Variants in DCC observed in about 807,000 individuals in gnomAD.
DCC encodes the protein netrin receptor DCC.
Under a neutral mutation model 172.5 loss-of-function variants are expected in DCC, and 58 were observed. That is an observed-to-expected ratio of 0.34 (90% CI 0.27 to 0.42). DCC has a LOEUF of 0.42. DCC is among the 10% of genes least tolerant of loss of function. DCC has a pLI of 1.00. For synonymous variants in DCC, 709 were observed against 644.5 expected, an observed-to-expected ratio of 1.10 and a Z score of -1.52; for missense variants, 1,740 against 1,791.0, an observed-to-expected ratio of 0.97 and a Z score of 0.51.
chr18:52,815,852 TA>T (rs1568121915), intron 2 of DCC, among the ~76,000 whole-genome samples: 1 of 152,208 alleles, frequency 6.6e-6, no homozygotes, highest in Non-Finnish European at 1.5e-5. Flanking sequence ...GGATTTGCTT[TA>T]GAAATGTTTA....
chr18:52,812,884 G>A (rs1253742702), intron 2 of DCC, among the ~76,000 whole-genome samples: 1 of 152,180 alleles, frequency 6.6e-6, no homozygotes, highest in African/African-American at 2.4e-5. Flanking sequence ...ACGCCTCTGG[G>A]TAAAGATAGG....
At position 52,467,991 on chromosome 18, in the gene DCC, G is replaced by C. The variant is rs560091415; in HGVS notation, c.91+127113G>C. The stretch of plus-strand genomic sequence containing the variant: ...AGATTGCAACAGTTCCTATAGAGCA[G>C]TGTTTGAATGATGAGCCCTATTACT... On this transcript the variant is annotated intron_variant, in intron 1 of 28. Transcript: ENST00000442544. Among the ~76,000 whole-genome samples the C allele has an allele frequency of 2.0e-5, 3 of 152,244 alleles. No individual in the cohort carries two copies. In the East Asian group the frequency reaches 5.8e-4, roughly 29 times the overall value.
chr18:53,248,373 G>A (rs1041390399), intron 12 of DCC, among the ~76,000 whole-genome samples: 2 of 151,988 alleles, frequency 1.3e-5, no homozygotes, highest in African/African-American at 4.8e-5. Flanking sequence ...GAGACTTAAG[G>A]AAAGGATTAC....
At chr18:52,468,001 G>C (rs1988837620) in intron 1 of DCC, among the ~76,000 whole-genome samples, 1 of 152,132 alleles carries the variant, frequency 6.6e-6, no homozygotes, top group South Asian at 2.1e-4. Context: ...GTGTTTGAAT[G>C]ATGAGCCCTA....
At chr18:52,544,754 A>G (rs780203498) in intron 1 of DCC, among the ~76,000 whole-genome samples, 10 of 152,194 alleles carry the variant, frequency 6.6e-5, no homozygotes, top group Non-Finnish European at 1.3e-4. Context: ...GGATTGATAG[A>G]TTGATAGATA....
At chr18:52,972,457 T>C (rs2041044925) in intron 5 of DCC, among the ~76,000 whole-genome samples, 1 of 152,186 alleles carries the variant, frequency 6.6e-6, no homozygotes, top group East Asian at 1.9e-4. Context: ...TGTTAACAGC[T>C]GTTTTTAAAA....
intron 5 of DCC, among the ~76,000 whole-genome samples, chr18:52,965,823 G>A (rs2040919923): frequency 6.6e-6 from 1 of 152,116 alleles, no homozygotes; most frequent in African/African-American, 2.4e-5. Context: ...TCTTCCAAAT[G>A]AGTTCTCTTT....
intron 19 of DCC, 85 bp downstream of exon 19, chr18:53,402,978 G>A (rs765349405): frequency 2.2e-5 from 21 of 943,934 alleles, no homozygotes; most frequent in Middle Eastern, 2.1e-4. Context: ...CCTGCCTTTC[G>A]TGTGGCATTA....
intron 2 of DCC, among the ~76,000 whole-genome samples, chr18:52,853,692 G>A (rs1199380372): frequency 6.6e-6 from 1 of 152,224 alleles, no homozygotes; most frequent in African/African-American, 2.4e-5. Context: ...CCTGGAAACA[G>A]AGTGTCTGTC....
chr18:52,858,242 A>T (rs1245119256), intron 2 of DCC, among the ~76,000 whole-genome samples: 1 of 152,190 alleles, frequency 6.6e-6, no homozygotes, highest in Non-Finnish European at 1.5e-5. Context: ...TTGCTTTCTC[A>T]AGCCTCAAAG....
chr18:52,659,512 G>C (rs2035317164), intron 1 of DCC, among the ~76,000 whole-genome samples: 1 of 152,070 alleles, frequency 6.6e-6, no homozygotes, highest in Non-Finnish European at 1.5e-5. Context: ...ACTGACTTAA[G>C]CTATTTAAAT....
chr18:52,430,693 G>A (rs1332680425), intron 1 of DCC, among the ~76,000 whole-genome samples: 1 of 152,176 alleles, frequency 6.6e-6, no homozygotes, highest in Non-Finnish European at 1.5e-5. Flanking sequence ...TATGTTTGTA[G>A]TGTACTAGTT....
At position 52,599,043 on chromosome 18, in the gene DCC, T is replaced by C. The variant is rs1197371821; in HGVS notation, c.92-153011T>C. ...GGCTACATCTCTCAACACTGTTGCA[T>C]TGGGGATTAAGTTACAACATAAATT... On this transcript the variant is annotated intron_variant, in intron 1 of 28. Transcript: ENST00000442544. Among the ~76,000 whole-genome samples, 4 of 152,146 alleles carry C rather than the reference T, an allele frequency of 2.6e-5. No individual in the cohort carries two copies. The South Asian group carries it at 6.2e-4, about 24-fold the overall frequency.
At chr18:52,627,137 T>C (rs1156257470) in intron 1 of DCC, among the ~76,000 whole-genome samples, 1 of 152,218 alleles carries the variant, frequency 6.6e-6, no homozygotes, top group African/African-American at 2.4e-5. Context: ...CAGAGAGATG[T>C]CCTCAAGTAG....
At chr18:53,339,646 ATGGTGTTC>A in intron 14 of DCC, 59 bp from the exon 15 acceptor site, 1 of 1,187,582 alleles carries the variant, frequency 8.4e-7, no homozygotes, top group South Asian at 1.2e-5. Context: ...TCTTGCTTAA[ATGGTGTTC>A]TGCCGTGCTA....
At chr18:53,433,336 A>G (rs1599146378) in intron 21 of DCC, among the ~76,000 whole-genome samples, 1 of 152,178 alleles carries the variant, frequency 6.6e-6, no homozygotes, top group East Asian at 1.9e-4. Flanking sequence ...GCATCCTGCC[A>G]CAAATTACAG....
At chr18:53,164,824 C>T (rs534514056) in intron 8 of DCC, among the ~76,000 whole-genome samples, 3 of 152,278 alleles carry the variant, frequency 2.0e-5, no homozygotes, top group African/African-American at 4.8e-5. Flanking sequence ...TTATTACTTT[C>T]ATAAGCATTC....
At chr18:52,545,670 A>C (rs2032591764) in intron 1 of DCC, among the ~76,000 whole-genome samples, 1 of 152,184 alleles carries the variant, frequency 6.6e-6, no homozygotes, top group African/African-American at 2.4e-5. Context: ...AATAAGGGTC[A>C]TCTTTGAAGA....
intron 5 of DCC, among the ~76,000 whole-genome samples, chr18:53,034,651 C>T (rs1349631551): frequency 2.0e-5 from 3 of 151,946 alleles, no homozygotes; most frequent in Non-Finnish European, 4.4e-5. Context: ...CACAAGCAAC[C>T]AGAGTGATCC....
Sources: allele counts gnomAD v4.1 joint callset (sites outside exome capture counted in the v4.1 genomes callset), GRCh38; gene constraint gnomAD v4.1.1; transcripts MANE v1.5; gene names NCBI Gene and HGNC (gene_info 2026-07-23, HGNC 2026-07-21).